The following SMAD5 variants were observed in gnomAD, a reference collection of about 807,000 sequenced individuals.
SMAD5 encodes MAD, mothers against decapentaplegic homolog 5.
SMAD5 carries 9 observed loss-of-function variants against 43.1 expected under a neutral mutation model. The observed-to-expected ratio is 0.21, with a 90% confidence interval of 0.13 to 0.36. The LOEUF (loss-of-function observed/expected upper bound fraction) is 0.36, where lower values mean the gene tolerates loss of function less well. SMAD5 is among the 10% of genes least tolerant of loss of function. SMAD5 has a pLI of 1.00. For synonymous variants in SMAD5, 190 were observed against 192.4 expected, an observed-to-expected ratio of 0.99 and a Z score of 0.10; for missense variants, 348 against 574.0, an observed-to-expected ratio of 0.61 and a Z score of 4.02.
At chr5:136,159,247 C>G (rs1022271586) in intron 3 of SMAD5, among the ~76,000 whole-genome samples, 4 of 151,976 alleles carry the variant, frequency 2.6e-5, no homozygotes, top group African/African-American at 9.7e-5. Flanking sequence ...CTCATTTGCC[C>G]TAAGAGCAAG....
Position 136,176,389 on chromosome 5 carries a change from A to C in SMAD5, c.1255-948A>C, listed in dbSNP as rs545510838. ...AGAATTGTTTGAACCTGGGAGGCGGAGGTTGCAGTTAGCCAAGATTGCGCC... is the reference window on the plus strand; with the variant it reads ...AGAATTGTTTGAACCTGGGAGGCGGCGGTTGCAGTTAGCCAAGATTGCGCC... On this transcript the variant is annotated intron_variant, in intron 7 of 7. Coordinates refer to ENST00000545279, the MANE Select transcript of SMAD5 (RefSeq NM_005903.7). 2.2e-5 allele frequency among the ~76,000 whole-genome samples: 3 copies of C among 133,642 alleles called. No homozygotes were observed. The South Asian group carries it at 8.0e-4, about 36-fold the overall frequency. 87.7% of individuals were successfully genotyped at this position (133,642 alleles called of 152,430 possible).
At chr5:136,155,531 T>C (rs1261011643) in intron 3 of SMAD5, among the ~76,000 whole-genome samples, 1 of 152,196 alleles carries the variant, frequency 6.6e-6, no homozygotes, top group Non-Finnish European at 1.5e-5. Context: ...TACTAAATCA[T>C]GTCAGTTCCT....
At chr5:136,136,066 G>A (rs1395723379) in intron 1 of SMAD5, among the ~76,000 whole-genome samples, 1 of 152,134 alleles carries the variant, frequency 6.6e-6, no homozygotes, top group East Asian at 1.9e-4. Context: ...AAGAATACCT[G>A]GATATTCTAG....
intron 1 of SMAD5, among the ~76,000 whole-genome samples, chr5:136,137,270 A>ACCCCCCCCCCCCCC (rs61537356): frequency 1.6e-5 from 2 of 125,216 alleles, no homozygotes; most frequent in Admixed American, 8.0e-5. Context: ...ATTTTTTGGG[A>ACCCCCCCCCCCCCC]CCCCCCCCCG....
At chr5:136,171,298 C>G (rs1345222928) in intron 5 of SMAD5, among the ~76,000 whole-genome samples, 1 of 152,170 alleles carries the variant, frequency 6.6e-6, no homozygotes, top group Admixed American at 6.5e-5. Context: ...ATAGTTAAAT[C>G]CTTCAGGTCT....
chr5:136,179,303 A>G lies in SMAD5; in HGVS notation c.*1823A>G, dbSNP rs937860503. 6.6e-6 allele frequency: 1 copy of G among 152,572 alleles called. No individual in the cohort carries two copies. Among genetic ancestry groups the G allele is most frequent in the Non-Finnish European group, 1.5e-5 (1 of 68,024 alleles). The allele number at this position is 152,572 out of a possible 1,614,324, so 9.5% of individuals were successfully genotyped here. A position where few individuals can be genotyped will look rare whatever the true frequency, so the allele number is the denominator to read the frequency against. On this transcript the variant is annotated 3_prime_UTR_variant, in exon 8 of 8. Coordinates refer to ENST00000545279, the MANE Select transcript of SMAD5 (RefSeq NM_005903.7). Reference sequence around the variant, plus strand: ...TGTCAAATGGACACTTAATTATGACATGAGAATGAAGAAATTATTTTGGAA... The same window carrying G: ...TGTCAAATGGACACTTAATTATGACGTGAGAATGAAGAAATTATTTTGGAA...
intron 1 of SMAD5, among the ~76,000 whole-genome samples, chr5:136,136,876 T>C (rs1257736726): frequency 6.6e-6 from 1 of 152,168 alleles, no homozygotes; most frequent in Non-Finnish European, 1.5e-5. Context: ...TTTGAATTTT[T>C]AATAGAGATG....
intron 1 of SMAD5, among the ~76,000 whole-genome samples, chr5:136,135,308 G>A (rs1027568232): frequency 1.3e-5 from 2 of 152,168 alleles, no homozygotes; most frequent in African/African-American, 4.8e-5. Flanking sequence ...CTCTTCACTG[G>A]GTTTTAATTC....
chr5:136,151,528 T>C (rs1213717869), intron 2 of SMAD5, among the ~76,000 whole-genome samples: 1 of 152,054 alleles, frequency 6.6e-6, no homozygotes, highest in Non-Finnish European at 1.5e-5. Flanking sequence ...TGTGGTTAAA[T>C]GCAATTAGGT....
In SMAD5 at chr5:136,153,711, G is replaced by A. The variant is rs914835460; in HGVS notation, c.-50G>A. On this transcript the variant is annotated 5_prime_UTR_variant, in exon 3 of 8. Transcript: ENST00000545279. ...CGTTTCACCTGTGATCTGTTCTTTC[G>A]GTAGCCACTGACTTTGAGTTACAGG... The A allele has an allele frequency of 1.3e-6, 2 of 1,501,136 alleles. No individual in the cohort carries two copies. The highest frequency in any genetic ancestry group is 2.4e-5 in the East Asian group (1 of 41,316). 93.0% of individuals were successfully genotyped at this position (1,501,136 alleles called of 1,614,324 possible). A position where few individuals can be genotyped will look rare whatever the true frequency, so the allele number is the denominator to read the frequency against.
chr5:136,168,676 A>G (rs1227125052), intron 5 of SMAD5, among the ~76,000 whole-genome samples: 1 of 152,146 alleles, frequency 6.6e-6, no homozygotes, highest in East Asian at 1.9e-4. Flanking sequence ...TATGATACAG[A>G]ATCATTTTTT....
intron 2 of SMAD5, among the ~76,000 whole-genome samples, chr5:136,149,384 G>A (rs1580772284): frequency 6.6e-6 from 1 of 151,624 alleles, no homozygotes. Flanking sequence ...TAGCGTTAGT[G>A]GATACTGTTA....
At chr5:136,157,516 G>A (rs760497130) in intron 3 of SMAD5, among the ~76,000 whole-genome samples, 1 of 152,146 alleles carries the variant, frequency 6.6e-6, no homozygotes, top group African/African-American at 2.4e-5. Flanking sequence ...TGTCAAATTA[G>A]TGGGAGCCCT....
In SMAD5 at chr5:136,163,267, C is replaced by G. The variant is rs745563955; in HGVS notation, c.656-5C>G. The G allele has an allele frequency of 3.1e-6, 5 of 1,597,992 alleles. No individual in the cohort carries two copies. The highest frequency in any genetic ancestry group is 4.3e-6 in the Non-Finnish European group (5 of 1,173,422). On this transcript the variant is annotated splice_polypyrimidine_tract_variant and splice_region_variant and intron_variant, in intron 4 of 7. Transcript: ENST00000545279. ...GATTTTAATTATTATTTTTTTTCCT[C>G]TTAGCTGATACGCCTCCTCCTGCCT...
rs1347209113 is a variant in SMAD5 at position 136,159,453 on chromosome 5, A to C, written c.404-1403A>C. ...TTTTTTAAACTGTCCACATATTAAC[A>C]TTATTTTGGATGATATAAAATAATT... is the stretch of plus-strand genomic sequence containing the variant. On this transcript the variant is annotated intron_variant, in intron 3 of 7. Transcript: ENST00000545279. Among the ~76,000 whole-genome samples the C allele has an allele frequency of 9.2e-5, 14 of 152,276 alleles. No homozygotes were observed. In the East Asian group the frequency reaches 2.5e-3, roughly 27 times the overall value.
chr5:136,163,893 A>G (rs1176720046), intron 5 of SMAD5, among the ~76,000 whole-genome samples: 1 of 152,134 alleles, frequency 6.6e-6, no homozygotes, highest in Non-Finnish European at 1.5e-5. Context: ...TATTATAAAC[A>G]TTTGCAGCTG....
At chr5:136,144,038 T>G (rs1753180973) in intron 1 of SMAD5, among the ~76,000 whole-genome samples, 1 of 152,092 alleles carries the variant, frequency 6.6e-6, no homozygotes, top group African/African-American at 2.4e-5. Flanking sequence ...GCCAAGATAA[T>G]AGCAGATAAT....
intron 7 of SMAD5, among the ~76,000 whole-genome samples, chr5:136,175,254 AAGATG>A (rs1484897349): frequency 6.6e-6 from 1 of 152,236 alleles, no homozygotes; most frequent in Non-Finnish European, 1.5e-5. Context: ...GCTACAATTT[AAGATG>A]AGATTTGGGT....
chr5:136,167,308 TC>T (rs1250206679), intron 5 of SMAD5, among the ~76,000 whole-genome samples: 1 of 152,156 alleles, frequency 6.6e-6, no homozygotes, highest in Non-Finnish European at 1.5e-5. Context: ...AACTTTAAAA[TC>T]TGAGCTCTTA....
Sources: gnomAD v4.1 joint callset for allele counts (sites outside exome capture counted in the v4.1 genomes callset) on GRCh38, gnomAD v4.1.1 for gene constraint, MANE v1.5 for transcripts, NCBI Gene and HGNC (gene_info 2026-07-23, HGNC 2026-07-21) for gene names.